Variants in WDR59 observed in about 807,000 individuals in gnomAD.
WDR59 encodes the protein GATOR2 complex protein WDR59.
In WDR59, 100 loss-of-function variants were observed where a neutral mutation model predicts 131.2. The observed-to-expected ratio is 0.76, with a 90% CI of 0.65 to 0.90. The LOEUF is 0.90. WDR59 is among the 40% of genes least tolerant of loss of function. WDR59 has a pLI of 0.00. For synonymous variants in WDR59, 601 were observed against 466.2 expected (o/e 1.29, Z -3.72); for missense variants, 1,203 against 1,262.2 (o/e 0.95, Z 0.71).
At position 74,938,186 on chromosome 16, in the gene WDR59, G is replaced by C. The variant is rs201085422; in HGVS notation, c.615C>G (p.His205Gln). 1.8e-5 allele frequency: 29 copies of C among 1,580,880 alleles called. No individual in the cohort carries two copies. In the East Asian group the frequency reaches 6.1e-4, roughly 33 times the overall value. ...HGLDWHPDSE[H>Q]ILATSSQDNS... ...TGTCTTGACTGGAGGTAGCAAGAAT[G>C]TGCTCGCTGTCTGGGTGCCAGTCCA... is the stretch of plus-strand genomic sequence containing the variant. The change falls in exon 8 of 26, where the codon CAC (histidine) becomes CAG (glutamine). Residue 205 changes from histidine (H) to glutamine (Q), a missense_variant. Transcript: ENST00000262144.
chr16:74,966,381 G>A (rs979195559), intron 1 of WDR59, among the ~76,000 whole-genome samples: 2 of 152,184 alleles, frequency 1.3e-5, no homozygotes, highest in African/African-American at 4.8e-5. Context: ...TCGGGAGGAT[G>A]AGGCAGGAGA....
intron 23 of WDR59, among the ~76,000 whole-genome samples, chr16:74,887,287 C>A (rs982536312): frequency 2.6e-5 from 4 of 152,052 alleles, no homozygotes; most frequent in Admixed American, 2.0e-4. Flanking sequence ...CCTTACTCAG[C>A]AAACAGCTTT....
chr16:74,914,681 C>T, intron 13 of WDR59, among the ~76,000 whole-genome samples: 1 of 148,898 alleles, frequency 6.7e-6, no homozygotes, highest in African/African-American at 2.5e-5. Context: ...GCAAGCTCTG[C>T]CTCCTGGGTT....
chr16:74,938,451 C>T (rs983854778), intron 7 of WDR59, among the ~76,000 whole-genome samples, 185 bp from the exon 8 acceptor site: 4 of 152,172 alleles, frequency 2.6e-5, no homozygotes, highest in African/African-American at 7.2e-5. Flanking sequence ...ACTTATCCAA[C>T]GCTCCTTCAC....
chr16:74,981,673 T>TTTTTG, intron 1 of WDR59, among the ~76,000 whole-genome samples: 1 of 100,740 alleles, frequency 9.9e-6, no homozygotes, highest in African/African-American at 4.2e-5. Context: ...TTTTTTTTTT[T>TTTTTG]TAGATGGAGT....
chr16:74,895,781 T>C (rs1473846723), intron 18 of WDR59, among the ~76,000 whole-genome samples: 1 of 152,176 alleles, frequency 6.6e-6, no homozygotes, highest in East Asian at 1.9e-4. Context: ...GAGGATACGT[T>C]AAAGAGCAAA....
At chr16:74,880,630 G>A (rs953548804) in intron 25 of WDR59, among the ~76,000 whole-genome samples, 3 of 152,146 alleles carry the variant, frequency 2.0e-5, no homozygotes, top group Admixed American at 6.5e-5. Flanking sequence ...CAGAAACACT[G>A]ACTACCCTGA....
At chr16:74,898,043 T>C (rs1296013159) in intron 18 of WDR59, among the ~76,000 whole-genome samples, 1 of 152,192 alleles carries the variant, frequency 6.6e-6, no homozygotes, top group Non-Finnish European at 1.5e-5. Context: ...TTTTCCCCAG[T>C]GCTCTGGCAA....
At chr16:74,907,210 T>A (rs1965859638) in intron 17 of WDR59, among the ~76,000 whole-genome samples, 2 of 152,104 alleles carry the variant, frequency 1.3e-5, no homozygotes, top group Admixed American at 1.3e-4. Context: ...AGTTCTCTCA[T>A]CCAGTTCTCT....
intron 21 of WDR59, among the ~76,000 whole-genome samples, chr16:74,889,211 A>G (rs1268323192): frequency 6.6e-6 from 1 of 152,220 alleles, no homozygotes; most frequent in East Asian, 1.9e-4. Flanking sequence ...GTGTTAAATT[A>G]TTTTGTATAG....
chr16:74,877,428 T>G (rs890856457), intron 25 of WDR59, among the ~76,000 whole-genome samples: 1 of 152,230 alleles, frequency 6.6e-6, no homozygotes, highest in African/African-American at 2.4e-5. Context: ...ACTTGACAGC[T>G]GGTTAATTTT....
rs115000497 is a variant in WDR59 at position 74,874,148 on chromosome 16, A to G, written c.*61T>C. ...TTCTGGAGCCTCTCCCCTGACAGACAGCTTGTCACCGGCACTTATGGGTCC... is the reference window on the plus strand; with the variant it reads ...TTCTGGAGCCTCTCCCCTGACAGACGGCTTGTCACCGGCACTTATGGGTCC... On this transcript the variant is annotated 3_prime_UTR_variant, in exon 26 of 26. Coordinates refer to ENST00000262144, the MANE Select transcript of WDR59 (RefSeq NM_030581.4). The G allele has an allele frequency of 4.4e-3, 6,192 of 1,419,408 alleles. 149 individuals are homozygous for G. The African/African-American group carries it at 0.059, about 13-fold the overall frequency. The allele number at this position is 1,419,408 out of a possible 1,614,324, so 87.9% of individuals were successfully genotyped here. A position where few individuals can be genotyped will look rare whatever the true frequency, so the allele number is the denominator to read the frequency against.
intron 3 of WDR59, among the ~76,000 whole-genome samples, chr16:74,953,459 C>A (rs1271625442): frequency 7.2e-6 from 1 of 138,776 alleles, no homozygotes; most frequent in East Asian, 2.2e-4. Context: ...GGCAACAGAA[C>A]GAGACTCCGT....
At chr16:74,922,232 G>C (rs2030313830) in intron 9 of WDR59, 129 bp from the exon 10 acceptor site, 1 of 1,234,696 alleles carries the variant, frequency 8.1e-7, no homozygotes, top group Middle Eastern at 2.1e-4. Context: ...AACTCATCTG[G>C]AGAAATTTTT....
At chr16:74,895,815 C>T (rs777469702) in intron 18 of WDR59, among the ~76,000 whole-genome samples, 1 of 152,158 alleles carries the variant, frequency 6.6e-6, no homozygotes, top group Non-Finnish European at 1.5e-5. Context: ...TGGGCTGGAG[C>T]CAGGCAGTGT....
At chr16:74,980,970 T>C (rs1023727715) in intron 1 of WDR59, among the ~76,000 whole-genome samples, 2 of 145,428 alleles carry the variant, frequency 1.4e-5, no homozygotes, top group Non-Finnish European at 3.0e-5. Flanking sequence ...ATCTCAAAAA[T>C]AAAAAAATAT....
At chr16:74,887,009 T>C (rs145645581) in intron 23 of WDR59, among the ~76,000 whole-genome samples, 1 of 152,212 alleles carries the variant, frequency 6.6e-6, no homozygotes, top group South Asian at 2.1e-4. Context: ...CGAGGACTTT[T>C]TGAACAATAT....
rs758115789 is a variant in WDR59 at position 74,916,099 on chromosome 16, T to C, written c.1099+28A>G. Reference sequence around the variant, plus strand: ...CTCTGCAATGCGTAGAGTGGCACCTTACCTGAGACATCAGTTTGACAAATT... The same window carrying C: ...CTCTGCAATGCGTAGAGTGGCACCTCACCTGAGACATCAGTTTGACAAATT... On this transcript the variant is annotated intron_variant, in intron 12 of 25. Transcript: ENST00000262144. The C allele has an allele frequency of 3.7e-6, 6 of 1,614,212 alleles. No individual in the cohort carries two copies. The South Asian group carries it at 5.5e-5, about 15-fold the overall frequency.
At chr16:74,958,846 TGAGGTCA>T (rs2033433265) in intron 2 of WDR59, among the ~76,000 whole-genome samples, 1 of 72,586 alleles carries the variant, frequency 1.4e-5, no homozygotes, top group African/African-American at 4.1e-5. Flanking sequence ...ATGGATCACC[TGAGGTCA>T]GGAGTTCGAG....
Sources: allele counts gnomAD v4.1 joint callset (sites outside exome capture counted in the v4.1 genomes callset), GRCh38; gene constraint gnomAD v4.1.1; transcripts MANE v1.5; gene names NCBI Gene and HGNC (gene_info 2026-07-23, HGNC 2026-07-21).